KYAT1: variants seen among roughly 807,000 people sequenced by gnomAD.
KYAT1 encodes the protein kynurenine--oxoglutarate transaminase 1.
A neutral mutation model predicts 52.4 loss-of-function variants in KYAT1; 47 were observed. The observed-to-expected ratio is 0.90, with a 90% confidence interval of 0.71 to 1.14. The LOEUF (loss-of-function observed/expected upper bound fraction) is 1.14, where lower values mean the gene tolerates loss of function less well. KYAT1 is among the 50% of genes most tolerant of loss of function. KYAT1 has a pLI of 0.00. For synonymous variants in KYAT1, 212 were observed against 209.6 expected (o/e 1.01, Z -0.10); for missense variants, 480 against 557.9 (o/e 0.86, Z 1.41).
rs916310301 is a variant in KYAT1 at position 128,859,366 on chromosome 9, CA to C, written c.-6-13956del. 1.2e-4 allele frequency among the ~76,000 whole-genome samples: 18 copies of C among 145,666 alleles called. No individual in the cohort carries two copies. In the South Asian group the frequency reaches 2.2e-3, roughly 18 times the overall value. ...ACAGAGGGAGACTCCGTCTCAACAACAAAAAAAAAAGTTACTCTCAGCTGGG... is the reference window on the plus strand; with the variant it reads ...ACAGAGGGAGACTCCGTCTCAACAACAAAAAAAAAGTTACTCTCAGCTGGG... On this transcript the variant is annotated intron_variant, in intron 1 of 12. Coordinates refer to ENST00000302586, the MANE Select transcript of KYAT1 (RefSeq NM_004059.5).
Position 128,835,416 on chromosome 9 carries a change from G to A in KYAT1, c.1043-14C>T, listed in dbSNP as rs756880447. The A allele has an allele frequency of 6.2e-7, 1 of 1,613,852 alleles. No individual in the cohort carries two copies. The highest frequency in any genetic ancestry group is 1.1e-5 in the South Asian group (1 of 91,084). On this transcript the variant is annotated splice_polypyrimidine_tract_variant and intron_variant, in intron 10 of 12. Transcript: ENST00000302586. Reference sequence around the variant, plus strand: ...GCATCTTCCTCTCTGGGAGACAGAGGCCACACTGAGCCCCCTGCAGCCTCC... The same window carrying A: ...GCATCTTCCTCTCTGGGAGACAGAGACCACACTGAGCCCCCTGCAGCCTCC...
rs546960375 is a variant in KYAT1, at chr9:128,861,281, T to A, written c.-6-15870A>T. Among the ~76,000 whole-genome samples, 216 of 152,268 alleles carry A rather than the reference T, an allele frequency of 1.4e-3. 1 individual carries two copies. Among genetic ancestry groups the A allele is most frequent in the African/African-American group, 5.1e-3 (210 of 41,566 alleles). ...GACCCAGTGGGAGGTAATTGAATCA[T>A]GGGGGCAGTTACCCCCATGCTGCTG... On this transcript the variant is annotated intron_variant, in intron 1 of 12. Transcript: ENST00000302586.
At chr9:128,845,317 G>A in intron 2 of KYAT1, 36 bp downstream of exon 2, 3 of 1,599,200 alleles carry the variant, frequency 1.9e-6, no homozygotes, top group Middle Eastern at 3.3e-4. Flanking sequence ...ATGCCCGAGG[G>A]GACACCCACA....
intron 3 of KYAT1, among the ~76,000 whole-genome samples, chr9:128,840,373 C>T (rs2119049358): frequency 6.6e-6 from 1 of 152,260 alleles, no homozygotes; most frequent in South Asian, 2.1e-4. Context: ...ATTCTTGTGC[C>T]TCAGCCTCCC....
intron 1 of KYAT1, among the ~76,000 whole-genome samples, chr9:128,862,657 G>T (rs915200870): frequency 6.6e-6 from 1 of 152,336 alleles, no homozygotes; most frequent in Admixed American, 6.5e-5. Flanking sequence ...CTCCATGGGG[G>T]TCAAGAAGCT....
chr9:128,860,971 C>T (rs60362305), intron 1 of KYAT1, among the ~76,000 whole-genome samples: 8,387 of 152,200 alleles, frequency 0.055, 274 homozygotes, highest in African/African-American at 0.095. Context: ...CCGTGTCAGA[C>T]ATAATAATAA....
At chr9:128,853,685 G>C (rs1834234743) in intron 1 of KYAT1, among the ~76,000 whole-genome samples, 1 of 152,200 alleles carries the variant, frequency 6.6e-6, no homozygotes, top group Admixed American at 6.5e-5. Context: ...AAGCTGACTT[G>C]CTAGTATCAT....
At chr9:128,838,180 CCT>C in intron 4 of KYAT1, 36 bp downstream of exon 4, 1 of 1,614,166 alleles carries the variant, frequency 6.2e-7, no homozygotes, top group Non-Finnish European at 8.5e-7. Context: ...ATGGCCCTGA[CCT>C]CTCAGTCCCA....
intron 2 of KYAT1, 54 bp from the exon 3 acceptor site, chr9:128,842,855 C>T (rs1222857289): frequency 1.3e-6 from 2 of 1,562,274 alleles, no homozygotes; most frequent in Non-Finnish European, 1.7e-6. Context: ...GTGACCTGGA[C>T]TTCGGCCTGT....
chr9:128,838,321 A>G lies in KYAT1; in HGVS notation c.248T>C (p.Leu83Pro). ...TKILASFFGE[L>P]LGQEIDPLRN... is the part of the protein sequence containing the mutation. ...GAGCGGGTCTATCTCCTGACCCAGC[A>G]GCTCCCCAAAGAAACTTGCCAGGAT... is the stretch of plus-strand genomic sequence containing the variant. The change falls in exon 4 of 13, where the codon CTG (leucine) becomes CCG (proline). Residue 83 changes from leucine (L) to proline (P), a missense_variant. Transcript: ENST00000302586. 1 of 1,614,182 alleles carries G rather than the reference A, an allele frequency of 6.2e-7. No individual in the cohort carries two copies. Among genetic ancestry groups the G allele is most frequent in the South Asian group, 1.1e-5 (1 of 91,086 alleles).
At chr9:128,840,865 T>C (rs550773402) in intron 3 of KYAT1, among the ~76,000 whole-genome samples, 10 of 152,358 alleles carry the variant, frequency 6.6e-5, no homozygotes, top group Admixed American at 5.9e-4. Flanking sequence ...TATCCACCTA[T>C]TGTATTTATA....
intron 1 of KYAT1, among the ~76,000 whole-genome samples, chr9:128,862,074 C>G (rs999326517): frequency 6.6e-6 from 1 of 152,232 alleles, no homozygotes; most frequent in Non-Finnish European, 1.5e-5. Context: ...GACACTCTCC[C>G]CCACATCGGA....
chr9:128,846,437 CAAACAAAG>C (rs1451593896), intron 1 of KYAT1, among the ~76,000 whole-genome samples: 1 of 151,286 alleles, frequency 6.6e-6, no homozygotes, highest in East Asian at 1.9e-4. Flanking sequence ...CTGGGAAAAA[CAAACAAAG>C]AAACTTATCT....
intron 6 of KYAT1, 124 bp from the exon 7 acceptor site, chr9:128,837,046 C>CA (rs1288731381): frequency 7.8e-7 from 1 of 1,285,408 alleles, no homozygotes; most frequent in Non-Finnish European, 1.1e-6. Context: ...GTAATCCTAG[C>CA]ACTTTGGGAG....
rs1831461023 is a variant in KYAT1, at chr9:128,838,099, G to A, written c.390C>T (p.Pro130=). ...IIEPFFDCYE[P]MTMMAGGRPV... is the part of the protein sequence containing the mutation. ...GACGACCCCCTGCCATCATTGTCAT[G>A]GGCTCGTAGCAGTCAAAAAAGGGTT... is the stretch of plus-strand genomic sequence containing the variant. Residue 130 remains proline, a synonymous_variant, in exon 5 of 13, where the codon CCC becomes CCT. Coordinates refer to ENST00000302586, the MANE Select transcript of KYAT1 (RefSeq NM_004059.5). 6.2e-7 allele frequency: 1 copy of A among 1,614,110 alleles called. No homozygotes were observed. Among genetic ancestry groups the A allele is most frequent in the East Asian group, 2.2e-5 (1 of 44,884 alleles).
intron 5 of KYAT1, 45 bp downstream of exon 5, chr9:128,838,006 G>A (rs374611336): frequency 5.5e-5 from 88 of 1,590,488 alleles, no homozygotes; most frequent in Non-Finnish European, 3.1e-5. Context: ...CTCAGCCCAC[G>A]CCTTGGATCC....
chr9:128,856,136 A>G (rs1834561744), intron 1 of KYAT1, among the ~76,000 whole-genome samples: 1 of 152,236 alleles, frequency 6.6e-6, no homozygotes, highest in Non-Finnish European at 1.5e-5. Context: ...GACGCCATCT[A>G]CAAGGAAGAG....
At chr9:128,838,530 C>T (rs1016808732) in intron 3 of KYAT1, among the ~76,000 whole-genome samples, 163 bp from the exon 4 acceptor site, 1 of 152,210 alleles carries the variant, frequency 6.6e-6, no homozygotes, top group Non-Finnish European at 1.5e-5. Context: ...GCTTTCAACA[C>T]TCTGGATTCC....
chr9:128,876,197 T>C (rs113160095), intron 1 of KYAT1, among the ~76,000 whole-genome samples: 46 of 150,744 alleles, frequency 3.1e-4, no homozygotes, highest in African/African-American at 1.1e-3. Flanking sequence ...CTCAGCCGCC[T>C]GAGTATCTGG....
Sources: allele counts gnomAD v4.1 joint callset (sites outside exome capture counted in the v4.1 genomes callset), GRCh38; gene constraint gnomAD v4.1.1; transcripts MANE v1.5; gene names NCBI Gene and HGNC (gene_info 2026-07-23, HGNC 2026-07-21).